WHRN: variants seen among roughly 807,000 people sequenced by gnomAD.
WHRN encodes the protein CASK-interacting protein CIP98.
A neutral mutation model predicts 68.3 loss-of-function variants in WHRN; 41 were observed. That is an observed-to-expected ratio of 0.60 (90% CI 0.47 to 0.78). The LOEUF (loss-of-function observed/expected upper bound fraction) is 0.78. WHRN is among the 30% of genes least tolerant of loss of function. The probability of loss-of-function intolerance (pLI) is 0.00; values close to 1 mark genes in which losing one functional copy is unlikely to be tolerated. For synonymous variants in WHRN, 560 were observed against 561.3 expected, an observed-to-expected ratio of 1.00 and a Z score of 0.03; for missense variants, 1,243 against 1,244.7, an observed-to-expected ratio of 1.00 and a Z score of 0.02.
rs764068147 is a variant in WHRN at position 114,489,491 on chromosome 9, TACACACACACACGCACACACGCGTGC to T, written c.619-10746_619-10721del. Among the ~76,000 whole-genome samples the T allele has an allele frequency of 9.1e-4, 136 of 150,086 alleles. 2 individuals are homozygous for T. Among genetic ancestry groups the T allele is most frequent in the Middle Eastern group, 3.5e-3 (1 of 288 alleles). On this transcript the variant is annotated intron_variant, in intron 1 of 11. Transcript: ENST00000362057. Reference sequence around the variant, plus strand: ...ACACACACACACACGCACACACACGTACACACACACACGCACACACGCGTGCACACACACACACACACACACTTTCC... The same window carrying T: ...ACACACACACACACGCACACACACGTACACACACACACACACACACTTTCC...
chr9:114,423,548 C>G (rs1187397083), intron 6 of WHRN, 25 bp from the exon 7 acceptor site: 1 of 1,593,424 alleles, frequency 6.3e-7, no homozygotes, highest in Non-Finnish European at 8.6e-7. Context: ...AAAAGGGGCA[C>G]TCAGCAGGGA....
intron 7 of WHRN, among the ~76,000 whole-genome samples, chr9:114,419,991 CT>C (rs1263123007): frequency 2.6e-5 from 4 of 152,204 alleles, no homozygotes; most frequent in African/African-American, 9.7e-5. Context: ...ACCCCGGCCC[CT>C]GGTTAAGGGA....
chr9:114,478,637 G>A lies in WHRN; in HGVS notation c.753C>T (p.Pro251=), dbSNP rs368785016. Residue 251 remains proline, a synonymous_variant, in exon 2 of 12, where the codon CCC becomes CCT. Coordinates refer to ENST00000362057, the MANE Select transcript of WHRN (RefSeq NM_015404.4). The stretch of plus-strand genomic sequence containing the variant: ...GCCTCAGGGCACCACCGTGGGGCTG[G>A]GGCAGGCCCGAGGGTGGGGAGATGC... ...GRSISPPSGL[P]QPHGGALRQQ... The A allele has an allele frequency of 5.2e-5, 84 of 1,613,606 alleles. No individual in the cohort carries two copies. Among genetic ancestry groups the A allele is most frequent in the Non-Finnish European group, 6.8e-5 (80 of 1,179,948 alleles).
Position 114,410,588 on chromosome 9 carries a change from T to A in WHRN, c.1627-2570A>T, listed in dbSNP as rs555259600. Among the ~76,000 whole-genome samples, 12 of 152,260 alleles carry A rather than the reference T, an allele frequency of 7.9e-5. No individual in the cohort carries two copies. The East Asian group carries it at 1.5e-3, about 20-fold the overall frequency. ...AGAGAGGCCAGTCATGCCACACATA[T>A]CCCCATCTCGACCCACAAGATGCTG... On this transcript the variant is annotated intron_variant, in intron 7 of 11. Transcript: ENST00000362057.
rs765930159 is a variant in WHRN at position 114,402,847 on chromosome 9, G to T, written c.2631C>A (p.His877Gln). 1.7e-5 allele frequency: 27 copies of T among 1,613,994 alleles called. No homozygotes were observed. The highest frequency in any genetic ancestry group is 2.3e-5 in the Non-Finnish European group (27 of 1,180,048). The change falls in exon 12 of 12, where the codon CAC becomes CAA. Residue 877 changes from histidine (H) to glutamine (Q), a missense_variant. By Grantham distance (24) the His-to-Gln change is conservative. Coordinates refer to ENST00000362057, the MANE Select transcript of WHRN (RefSeq NM_015404.4). ...VNGLTLRGKE[H>Q]REAARIIAEA... ...CGGCGATAATGCGGGCGGCCTCCCG[G>T]TGCTCCTTGCCCCGAAGCGTCAGCC...
chr9:114,459,315 T>A (rs1191687899), intron 3 of WHRN, among the ~76,000 whole-genome samples: 2 of 118,406 alleles, frequency 1.7e-5, no homozygotes, highest in Non-Finnish European at 3.7e-5. Context: ...AAAAAAAAAA[T>A]TAGCCAGGTG....
chr9:114,404,798 C>G (rs1834904489), intron 9 of WHRN, among the ~76,000 whole-genome samples: 1 of 152,246 alleles, frequency 6.6e-6, no homozygotes, highest in Non-Finnish European at 1.5e-5. Flanking sequence ...ATTGTAAAAA[C>G]TCACAGATCT....
At position 114,505,311 on chromosome 9, in the gene WHRN, C is replaced by T. The variant is rs10759714; in HGVS notation, c.-510G>A. The stretch of plus-strand genomic sequence containing the variant: ...GAGGGCGCTCTAGTCCCAGAGCACT[C>T]CGGGGAGTGGCAGCCGGTGAAGCGG... On this transcript the variant is annotated 5_prime_UTR_variant, in exon 1 of 12. Coordinates refer to ENST00000362057, the MANE Select transcript of WHRN (RefSeq NM_015404.4). 0.35 allele frequency: 53,225 copies of T among 152,620 alleles called. 9,711 individuals carry two copies. The highest frequency in any genetic ancestry group is 0.39 in the Non-Finnish European group (26,582 of 68,352). 9.5% of individuals were successfully genotyped at this position (152,620 alleles called of 1,614,324 possible).
chr9:114,486,929 TG>T (rs1564217223), intron 1 of WHRN, among the ~76,000 whole-genome samples: 18 of 42,868 alleles, frequency 4.2e-4, no homozygotes, highest in African/African-American at 8.8e-4. Flanking sequence ...GTGTGTAGAG[TG>T]TGTGTGTGTG....
chr9:114,473,753 G>A (rs1328173276), intron 2 of WHRN, among the ~76,000 whole-genome samples: 1 of 152,190 alleles, frequency 6.6e-6, no homozygotes, highest in Non-Finnish European at 1.5e-5. Flanking sequence ...AATAGAAGCA[G>A]GAGACGCAGG....
intron 2 of WHRN, among the ~76,000 whole-genome samples, chr9:114,477,163 C>T (rs1374588731): frequency 3.3e-5 from 5 of 152,196 alleles, no homozygotes; most frequent in East Asian, 1.9e-4. Flanking sequence ...ATCTCTGCCG[C>T]GTCCTGCATA....
chr9:114,403,924 T>A lies in WHRN; in HGVS notation c.2390A>T (p.Glu797Val). Residue 797 changes from glutamate (E) to valine (V), a missense_variant, in exon 10 of 12, where the codon GAG becomes GTG. By Grantham distance (121) the Glu-to-Val change is moderately radical. Coordinates refer to ENST00000362057, the MANE Select transcript of WHRN (RefSeq NM_015404.4). ...TTTGTTGGCCCCATCTGTGGGCCTCTCGTTCCGAGGCAGCTCCTTGCTACT... is the reference window on the plus strand; with the variant it reads ...TTTGTTGGCCCCATCTGTGGGCCTCACGTTCCGAGGCAGCTCCTTGCTACT... ...SRSSKELPRN[E>V]RPTDGANKPP... is the part of the protein sequence containing the mutation. 1 of 1,611,212 alleles carries A rather than the reference T, an allele frequency of 6.2e-7. No homozygotes were observed.
intron 2 of WHRN, among the ~76,000 whole-genome samples, chr9:114,468,454 G>A (rs1209115872): frequency 3.3e-5 from 5 of 152,116 alleles, no homozygotes; most frequent in Non-Finnish European, 5.9e-5. Flanking sequence ...AACAAAAAGC[G>A]GTGGCTTTGC....
In WHRN at chr9:114,438,445, CTTTTTTTTCTTTT is replaced by C. The variant is rs1304965675; in HGVS notation, c.964-12045_964-12033del. Among the ~76,000 whole-genome samples the C allele has an allele frequency of 1.6e-3, 233 of 147,746 alleles. 1 individual carries two copies. The highest frequency in any genetic ancestry group is 5.3e-3 in the African/African-American group (213 of 40,272). ...CCAACACTTAACGGAATCCCACTTT[CTTTTTTTTCTTTT>C]TTTTTTTTTTTTGAGACAGAGTCTC... On this transcript the variant is annotated intron_variant, in intron 3 of 11. Coordinates refer to ENST00000362057, the MANE Select transcript of WHRN (RefSeq NM_015404.4).
chr9:114,491,313 T>C (rs1409645529), intron 1 of WHRN, among the ~76,000 whole-genome samples: 1 of 152,224 alleles, frequency 6.6e-6, no homozygotes. Flanking sequence ...TCAAGGTGGA[T>C]TAATCAGCCA....
intron 3 of WHRN, among the ~76,000 whole-genome samples, chr9:114,458,749 TTA>T (rs1386321627): frequency 6.6e-6 from 1 of 152,110 alleles, no homozygotes; most frequent in African/African-American, 2.4e-5. Flanking sequence ...TGCATGGAAA[TTA>T]TGTTGAATGG....
intron 3 of WHRN, among the ~76,000 whole-genome samples, chr9:114,460,322 G>C (rs993408627): frequency 1.3e-5 from 2 of 152,236 alleles, no homozygotes; most frequent in Non-Finnish European, 2.9e-5. Flanking sequence ...AGCCTCAGTT[G>C]TTCATGTATT....
rs116554365 is a variant in WHRN, at chr9:114,478,363, T to C, written c.837+190A>G. 506 of 727,914 alleles carry C rather than the reference T, an allele frequency of 7.0e-4. No individual in the cohort carries two copies. The African/African-American group carries it at 7.8e-3, about 11-fold the overall frequency. 45.1% of individuals were successfully genotyped at this position (727,914 alleles called of 1,614,324 possible). A position where few individuals can be genotyped will look rare whatever the true frequency, so the allele number is the denominator to read the frequency against. ...TTTATTGTGGCAGCTTAGCCTGTAT[T>C]ATAACATACACTACACAGGTCAAAA... On this transcript the variant is annotated intron_variant, in intron 2 of 11. Coordinates refer to ENST00000362057, the MANE Select transcript of WHRN (RefSeq NM_015404.4).
In WHRN at chr9:114,504,166, T is replaced by C. The variant is rs1474860451; in HGVS notation, c.618+18A>G. On this transcript the variant is annotated intron_variant, in intron 1 of 11. Coordinates refer to ENST00000362057, the MANE Select transcript of WHRN (RefSeq NM_015404.4). ...TGTCCATACTCTGCCCCAGACTCTCTCCAAACCACAGCCTTACCTTGACGG... is the reference window on the plus strand; with the variant it reads ...TGTCCATACTCTGCCCCAGACTCTCCCCAAACCACAGCCTTACCTTGACGG... 5 of 1,613,724 alleles carry C rather than the reference T, an allele frequency of 3.1e-6. No individual in the cohort carries two copies. Among genetic ancestry groups the C allele is most frequent in the Non-Finnish European group, 3.4e-6 (4 of 1,180,024 alleles).
Sources: allele counts gnomAD v4.1 joint callset (sites outside exome capture counted in the v4.1 genomes callset), GRCh38; gene constraint gnomAD v4.1.1; transcripts MANE v1.5; gene names NCBI Gene and HGNC (gene_info 2026-07-23, HGNC 2026-07-21).